Variants in MED27 observed in about 807,000 individuals in gnomAD.
MED27 encodes the protein mediator of RNA polymerase II transcription subunit 27.
Under a neutral mutation model 38.2 loss-of-function variants are expected in MED27, and 30 were observed. The ratio of observed to expected loss-of-function variants is 0.79; its 90% confidence interval spans 0.59 to 1.07. The LOEUF (loss-of-function observed/expected upper bound fraction) is 1.07, where lower values mean the gene tolerates loss of function less well. Among genes scored for constraint, MED27 ranks in the 50% least tolerant of loss-of-function variants. The pLI is 0.00. For missense variants in MED27, 289 were observed against 397.5 expected (o/e 0.73, Z 2.32); for synonymous variants, 122 against 153.5 (o/e 0.79, Z 1.52).
intron 2 of MED27, among the ~76,000 whole-genome samples, chr9:132,036,963 T>C (rs566750236): frequency 4.6e-5 from 7 of 152,122 alleles, no homozygotes; most frequent in Non-Finnish European, 8.8e-5. Context: ...CCTGTAAAAT[T>C]TGTGACCGTG....
intron 3 of MED27, among the ~76,000 whole-genome samples, chr9:132,008,117 T>C (rs1457489140): frequency 6.6e-6 from 1 of 152,100 alleles, no homozygotes; most frequent in Non-Finnish European, 1.5e-5. Context: ...CTCAGAGGAG[T>C]GCTAGGCCAT....
In MED27 at chr9:131,953,156, G is replaced by A. The variant is rs565452632; in HGVS notation, c.480-13682C>T. 4.6e-5 allele frequency among the ~76,000 whole-genome samples: 7 copies of A among 152,250 alleles called. No individual in the cohort carries two copies. The South Asian group carries it at 1.2e-3, about 27-fold the overall frequency. ...CCTGGAGTATTTTAACTGTGGATGC[G>A]GCTAGTTTAGAAATTCAAGACATCC... On this transcript the variant is annotated intron_variant, in intron 3 of 7. Transcript: ENST00000292035.
rs1342729259 is a variant in MED27 at position 131,929,470 on chromosome 9, T to C, written c.573+9911A>G. The stretch of plus-strand genomic sequence containing the variant: ...TCTTAGATGGTATTTCTGGACCTGC[T>C]CTGGCAGAGGGGCATCCACTGCCCT... On this transcript the variant is annotated intron_variant, in intron 4 of 7. Transcript: ENST00000292035. Among the ~76,000 whole-genome samples the C allele has an allele frequency of 2.0e-5, 3 of 152,174 alleles. No individual in the cohort carries two copies. The South Asian group carries it at 6.2e-4, about 31-fold the overall frequency.
chr9:131,982,646 G>C lies in MED27; in HGVS notation c.479+31691C>G, dbSNP rs955806459. ...GTAACTTGGTCCACAGCTACTGATG[G>C]GGAGGTGGATTTGAACCCAGTCGGT... On this transcript the variant is annotated intron_variant, in intron 3 of 7. Transcript: ENST00000292035. The surrounding 1 kb of genome is among the most constrained non-coding windows in gnomAD (Gnocchi z 4.3). Among the ~76,000 whole-genome samples, 1 of 152,144 alleles carries C rather than the reference G, an allele frequency of 6.6e-6. No individual in the cohort carries two copies. The highest frequency in any genetic ancestry group is 1.5e-5 in the Non-Finnish European group (1 of 68,022).
chr9:131,908,976 G>A (rs1297195482), intron 4 of MED27, among the ~76,000 whole-genome samples: 1 of 152,160 alleles, frequency 6.6e-6, no homozygotes, highest in Non-Finnish European at 1.5e-5. Flanking sequence ...TATTCAAGAT[G>A]GAGTTGCTCT....
At chr9:132,058,831 T>A (rs182400098) in intron 2 of MED27, among the ~76,000 whole-genome samples, 53 of 152,336 alleles carry the variant, frequency 3.5e-4, no homozygotes, top group Middle Eastern at 6.8e-3. Flanking sequence ...TGTCACTTAT[T>A]CTAAAACCTG....
rs1429149574 is a variant in MED27 at position 131,872,915 on chromosome 9, C to T, written c.724-9775G>A. On this transcript the variant is annotated intron_variant, in intron 6 of 7. Transcript: ENST00000292035. This position sits in a 1 kb window ranked among gnomAD's most constrained non-coding sequence, Gnocchi z 5.6. ...GGGAGGCCACCTGCACAGCACTGTC[C>T]TCTGTGTGGGAAGCCTCTGTGCCGC... Among the ~76,000 whole-genome samples the T allele has an allele frequency of 6.6e-6, 1 of 152,252 alleles. No homozygotes were observed. Among genetic ancestry groups the T allele is most frequent in the Non-Finnish European group, 1.5e-5 (1 of 68,036 alleles).
At chr9:132,068,508 T>C (rs1313456306) in intron 2 of MED27, among the ~76,000 whole-genome samples, 2 of 152,062 alleles carry the variant, frequency 1.3e-5, no homozygotes, top group Admixed American at 1.3e-4. Flanking sequence ...GGCTGCGGCA[T>C]TGCCCTGAGC....
intron 2 of MED27, among the ~76,000 whole-genome samples, chr9:132,034,076 T>C (rs1833021517): frequency 6.6e-6 from 1 of 152,188 alleles, no homozygotes; most frequent in Non-Finnish European, 1.5e-5. Flanking sequence ...CCCGTATGAA[T>C]AGATGAGGAG....
At chr9:131,887,830 T>G (rs1839166203) in intron 5 of MED27, among the ~76,000 whole-genome samples, 1 of 152,186 alleles carries the variant, frequency 6.6e-6, no homozygotes, top group African/African-American at 2.4e-5. Context: ...GTCAACCTTG[T>G]GGTAATTGGT....
intron 2 of MED27, among the ~76,000 whole-genome samples, chr9:132,016,140 G>A (rs1390263729): frequency 1.3e-5 from 2 of 152,144 alleles, no homozygotes; most frequent in Non-Finnish European, 2.9e-5. Context: ...GGGCAATAAT[G>A]TTCTGAAAAA....
chr9:132,026,739 A>G (rs1180825745), intron 2 of MED27, among the ~76,000 whole-genome samples: 1 of 152,192 alleles, frequency 6.6e-6, no homozygotes, highest in Non-Finnish European at 1.5e-5. Flanking sequence ...CCTCACAGCT[A>G]CATCCCCAGT....
intron 6 of MED27, among the ~76,000 whole-genome samples, chr9:131,881,367 G>A (rs1280092215): frequency 1.3e-5 from 2 of 152,102 alleles, no homozygotes; most frequent in South Asian, 2.1e-4. Flanking sequence ...AAGCCTGTGC[G>A]TAACCACACC....
At chr9:131,932,523 G>A in intron 4 of MED27, among the ~76,000 whole-genome samples, 1 of 151,854 alleles carries the variant, frequency 6.6e-6, no homozygotes, top group Non-Finnish European at 1.5e-5. Flanking sequence ...TCGAGGAAAC[G>A]GATAAATTCA....
intron 2 of MED27, among the ~76,000 whole-genome samples, chr9:132,025,619 C>T (rs1832801814): frequency 6.6e-6 from 1 of 152,188 alleles, no homozygotes; most frequent in Non-Finnish European, 1.5e-5. Flanking sequence ...ACTCTATGAC[C>T]TTGGGAGAGT....
intron 4 of MED27, among the ~76,000 whole-genome samples, chr9:131,903,328 G>A (rs1227899103): frequency 1.3e-5 from 2 of 152,106 alleles, no homozygotes; most frequent in South Asian, 2.1e-4. Context: ...TCATGAGAAC[G>A]GCACGGGAAA....
intron 3 of MED27, among the ~76,000 whole-genome samples, chr9:131,946,006 T>A (rs906315670): frequency 6.6e-6 from 1 of 151,702 alleles, no homozygotes; most frequent in East Asian, 1.9e-4. Context: ...GCAATATTTG[T>A]CTTTCTGTCT....
chr9:131,945,686 G>C (rs1437825164), intron 3 of MED27, among the ~76,000 whole-genome samples: 1 of 151,940 alleles, frequency 6.6e-6, no homozygotes, highest in African/African-American at 2.4e-5. Flanking sequence ...TCGTGGCCAG[G>C]TGCGGTGGCT....
intron 4 of MED27, among the ~76,000 whole-genome samples, chr9:131,896,982 G>C (rs1295451045): frequency 6.6e-6 from 1 of 152,060 alleles, no homozygotes; most frequent in Non-Finnish European, 1.5e-5. Context: ...CGCCCGCCTT[G>C]GCCTCCCAAA....
Sources: gnomAD v4.1 joint callset for allele counts (sites outside exome capture counted in the v4.1 genomes callset) on GRCh38, gnomAD v4.1.1 for gene constraint, Gnocchi (gnomAD v3.1) non-coding constraint, MANE v1.5 for transcripts, NCBI Gene and HGNC (gene_info 2026-07-23, HGNC 2026-07-21) for gene names.